Variants in HYDIN observed in about 807,000 individuals in gnomAD.
HYDIN encodes the protein HYDIN axonemal central pair apparatus protein, also known as axonemal central pair apparatus protein HYDIN.
Under a neutral mutation model 403.9 loss-of-function variants are expected in HYDIN, and 132 were observed. The observed-to-expected ratio is 0.33, with a 90% CI of 0.28 to 0.38. The LOEUF (loss-of-function observed/expected upper bound fraction) is 0.38, where lower values mean the gene tolerates loss of function less well. HYDIN is among the 10% of genes least tolerant of loss of function. The probability of loss-of-function intolerance (pLI) is 1.00; values close to 1 mark genes in which losing one functional copy is unlikely to be tolerated. For synonymous variants in HYDIN, 1,202 were observed against 1,891.7 expected, an observed-to-expected ratio of 0.64 and a Z score of 9.46; for missense variants, 2,827 against 5,009.5, an observed-to-expected ratio of 0.56 and a Z score of 13.15.
At chr16:70,845,693 C>G (rs1173026178) in intron 75 of HYDIN, among the ~76,000 whole-genome samples, 6 of 136,818 alleles carry the variant, frequency 4.4e-5, no homozygotes, top group Non-Finnish European at 6.0e-5. Context: ...GGTTGGTAAA[C>G]TATTGTTTAT....
intron 7 of HYDIN, among the ~76,000 whole-genome samples, chr16:71,152,405 T>A (rs944754818): frequency 6.6e-6 from 1 of 151,246 alleles, no homozygotes; most frequent in African/African-American, 2.4e-5. Context: ...AGGTGGTGTT[T>A]AGTTACATGA....
At chr16:70,877,623 G>A (rs1597198398) in intron 62 of HYDIN, among the ~76,000 whole-genome samples, 1 of 152,102 alleles carries the variant, frequency 6.6e-6, no homozygotes, top group African/African-American at 2.4e-5. Flanking sequence ...TCCCTCACAC[G>A]TGCAGTTCAA....
intron 77 of HYDIN, among the ~76,000 whole-genome samples, chr16:70,837,308 A>T (rs1021476013): frequency 1.4e-4 from 20 of 144,724 alleles, no homozygotes; most frequent in Admixed American, 5.3e-4. Context: ...TAAAAATGTT[A>T]AAAAAAATGT....
At chr16:70,895,487 G>A (rs1449951987) in intron 54 of HYDIN, among the ~76,000 whole-genome samples, 1 of 152,072 alleles carries the variant, frequency 6.6e-6, no homozygotes, top group Non-Finnish European at 1.5e-5. Context: ...GTGGAGAAAG[G>A]GGACCATGTG....
At chr16:71,221,534 G>C (rs535887873) in intron 1 of HYDIN, among the ~76,000 whole-genome samples, 1 of 152,046 alleles carries the variant, frequency 6.6e-6, no homozygotes, top group African/African-American at 2.4e-5. Context: ...GCAGCTCTTG[G>C]TCAAAATAAA....
At chr16:71,175,548 A>G (rs2144639645) in intron 5 of HYDIN, 59 bp downstream of exon 5, 3 of 1,576,762 alleles carry the variant, frequency 1.9e-6, no homozygotes, top group South Asian at 1.1e-5. Flanking sequence ...GTAAATATTC[A>G]GAATTGAACT....
intron 30 of HYDIN, among the ~76,000 whole-genome samples, chr16:70,976,969 C>G (rs1379943103): frequency 6.6e-6 from 1 of 151,998 alleles, no homozygotes; most frequent in Non-Finnish European, 1.5e-5. Context: ...TCCCAGTTGT[C>G]TGGATTCTAG....
chr16:70,914,197 T>A (rs1305047673), intron 47 of HYDIN, among the ~76,000 whole-genome samples: 1 of 152,168 alleles, frequency 6.6e-6, no homozygotes, highest in Non-Finnish European at 1.5e-5. Context: ...TTTTGCTTTT[T>A]TGTTTTTTTT....
At chr16:71,215,252 G>A (rs995542175) in intron 1 of HYDIN, among the ~76,000 whole-genome samples, 6 of 151,894 alleles carry the variant, frequency 4.0e-5, no homozygotes, top group Middle Eastern at 3.4e-3. Flanking sequence ...GGAGAAAGGA[G>A]GAAGAAAGGG....
chr16:71,163,729 GC>G (rs2086109967), intron 5 of HYDIN, among the ~76,000 whole-genome samples: 1 of 152,210 alleles, frequency 6.6e-6, no homozygotes, highest in African/African-American at 2.4e-5. Flanking sequence ...TGTGAGCCTA[GC>G]CACAATAAGC....
At chr16:70,902,821 A>ATATATTT in intron 52 of HYDIN, among the ~76,000 whole-genome samples, 1 of 47,310 alleles carries the variant, frequency 2.1e-5, no homozygotes, top group Non-Finnish European at 3.6e-5. Flanking sequence ...ATATATATAT[A>ATATATTT]TTTTTTTTTT....
intron 55 of HYDIN, chr16:70,893,392 G>A (rs1425934042): frequency 6.6e-6 from 1 of 152,176 alleles, no homozygotes; most frequent in Admixed American, 6.5e-5. Context: ...GGAATGAAAA[G>A]TGTGGGCACT....
At chr16:70,859,919 G>A in intron 71 of HYDIN, 149 bp downstream of exon 71, 1 of 619,338 alleles carries the variant, frequency 1.6e-6, no homozygotes, top group Non-Finnish European at 2.9e-6. Context: ...CAATGCATAT[G>A]GCAGCCATTC....
intron 10 of HYDIN, among the ~76,000 whole-genome samples, chr16:71,104,026 A>G (rs1201080184): frequency 6.6e-6 from 1 of 152,004 alleles, no homozygotes; most frequent in Non-Finnish European, 1.5e-5. Flanking sequence ...ATATTTCTCA[A>G]TGTTATTGTA....
intron 35 of HYDIN, among the ~76,000 whole-genome samples, chr16:70,972,775 T>G (rs940698348): frequency 1.3e-5 from 2 of 152,218 alleles, no homozygotes; most frequent in African/African-American, 4.8e-5. Context: ...CTATGTTACC[T>G]AATACCCTCA....
At chr16:70,891,065 G>C (rs2041434829) in intron 57 of HYDIN, among the ~76,000 whole-genome samples, 1 of 151,910 alleles carries the variant, frequency 6.6e-6, no homozygotes, top group Non-Finnish European at 1.5e-5. Flanking sequence ...GCAGAAGACT[G>C]TGTTTGTTCA....
intron 1 of HYDIN, among the ~76,000 whole-genome samples, chr16:71,219,348 A>G (rs2089069401): frequency 6.6e-6 from 1 of 152,168 alleles, no homozygotes; most frequent in African/African-American, 2.4e-5. Flanking sequence ...TGCCAGTGAA[A>G]TTACAAGAGA....
At chr16:71,180,228 A>C (rs1263265687) in intron 3 of HYDIN, among the ~76,000 whole-genome samples, 1 of 152,134 alleles carries the variant, frequency 6.6e-6, no homozygotes, top group African/African-American at 2.4e-5. Flanking sequence ...GTAAAAAAAT[A>C]ATAAATATTA....
intron 14 of HYDIN, among the ~76,000 whole-genome samples, chr16:71,068,719 G>C (rs905118104): frequency 6.6e-6 from 1 of 152,188 alleles, no homozygotes; most frequent in Non-Finnish European, 1.5e-5. Flanking sequence ...GACAAAACAT[G>C]GAAGGATGAG....
Sources: allele counts gnomAD v4.1 joint callset (sites outside exome capture counted in the v4.1 genomes callset), GRCh38; gene constraint gnomAD v4.1.1; transcripts MANE v1.5; gene names NCBI Gene and HGNC (gene_info 2026-07-23, HGNC 2026-07-21).